Variants in PRRG1 observed in about 807,000 individuals in gnomAD.
PRRG1 encodes transmembrane gamma-carboxyglutamic acid protein 1.
A neutral mutation model predicts 11.8 loss-of-function variants in PRRG1; 5 were observed. That is an observed-to-expected ratio of 0.42 (90% CI 0.22 to 0.89). The LOEUF (loss-of-function observed/expected upper bound fraction) is 0.89. Ranked by LOEUF, PRRG1 falls within the 40% of genes least tolerant of loss-of-function variation. PRRG1 has a pLI of 0.28. For synonymous variants in PRRG1, 66 were observed against 60.4 expected (o/e 1.09, Z -0.43); for missense variants, 155 against 166.1 (o/e 0.93, Z 0.37).
In PRRG1 at chrX:37,401,017, A is replaced by G. The variant is rs1931954034; in HGVS notation, c.-41-5192A>G. On this transcript the variant is annotated intron_variant, in intron 1 of 3. Transcript: ENST00000378628. ...ATAGCTTACCAACGAAAAAGAGTCC[A>G]GGACCAGATGGATTCACAGCCGAAT... 2.7e-5 allele frequency among the ~76,000 whole-genome samples: 3 copies of G among 111,003 alleles called. No individual in the cohort carries two copies. The South Asian group carries it at 1.2e-3, about 43-fold the overall frequency.
chrX:37,445,618 G>T (rs1224020106), intron 3 of PRRG1, among the ~76,000 whole-genome samples: 1 of 112,789 alleles, frequency 8.9e-6, no homozygotes, highest in Non-Finnish European at 1.9e-5. Flanking sequence ...AACGATTATT[G>T]AATTGACAAA....
intron 3 of PRRG1, among the ~76,000 whole-genome samples, chrX:37,442,852 A>G (rs1933010921): frequency 9.0e-6 from 1 of 111,134 alleles, no homozygotes; most frequent in Admixed American, 9.5e-5. Flanking sequence ...GCCCTTACAA[A>G]TCCTCTACTC....
At chrX:37,449,719 G>T (rs1374339997) in intron 3 of PRRG1, among the ~76,000 whole-genome samples, 2 of 112,156 alleles carry the variant, frequency 1.8e-5, no homozygotes, top group African/African-American at 6.5e-5. Flanking sequence ...TCATGCTTAA[G>T]ATTGCTATAA....
chrX:37,441,451 C>T (rs1932975756), intron 3 of PRRG1: 3 of 753,526 alleles, frequency 4.0e-6, no homozygotes, highest in Admixed American at 1.7e-4. Context: ...CCGCCATTAG[C>T]CATCCGCCTT....
In PRRG1 at chrX:37,429,843, G is replaced by A. The variant is rs1932808854; in HGVS notation, c.171+3843G>A. Among the ~76,000 whole-genome samples, 5 of 112,033 alleles carry A rather than the reference G, an allele frequency of 4.5e-5. 1 individual carries two copies. In the Admixed American group the frequency reaches 4.7e-4, roughly 11 times the overall value. ...ATTGGACTTACAGTTCCACATGGCT[G>A]GCAAGGCCTTAGAATCAGGCAGGAG... On this transcript the variant is annotated intron_variant, in intron 3 of 3. Transcript: ENST00000378628.
chrX:37,388,392 T>C (rs190866761), intron 1 of PRRG1, among the ~76,000 whole-genome samples: 1 of 113,180 alleles, frequency 8.8e-6, no homozygotes, highest in Non-Finnish European at 1.9e-5. Flanking sequence ...GCTCTGCCCC[T>C]GGAGCAGGCT....
At chrX:37,439,770 T>TTAA (rs782560015) in intron 3 of PRRG1, among the ~76,000 whole-genome samples, 65 of 109,976 alleles carry the variant, frequency 5.9e-4, no homozygotes, top group Non-Finnish European at 8.3e-4. Flanking sequence ...AGCCTTTGTT[T>TTAA]TAATTTCTAC....
chrX:37,413,882 T>TTA (rs1305766480), intron 2 of PRRG1, among the ~76,000 whole-genome samples: 11 of 112,354 alleles, frequency 9.8e-5, no homozygotes, highest in African/African-American at 3.2e-4. Context: ...ATTATGTTAC[T>TTA]TACAGTATTC....
In PRRG1 at chrX:37,453,732, G is replaced by A. The variant is rs1020430326; in HGVS notation, c.*111G>A. ...TGACTTATTTTATTGGACTCTTACC[G>A]CATACCACTTCACACTTGTTTTATT... On this transcript the variant is annotated 3_prime_UTR_variant, in exon 4 of 4. Transcript: ENST00000378628. 1.1e-4 allele frequency: 81 copies of A among 740,905 alleles called. No individual in the cohort carries two copies. Among genetic ancestry groups the A allele is most frequent in the African/African-American group, 2.0e-4 (9 of 45,577 alleles). 61.1% of individuals were successfully genotyped at this position (740,905 alleles called of 1,213,427 possible).
At chrX:37,449,290 A>G (rs781887083) in intron 3 of PRRG1, among the ~76,000 whole-genome samples, 1 of 111,559 alleles carries the variant, frequency 9.0e-6, no homozygotes, top group East Asian at 2.8e-4. Flanking sequence ...CTCCTCATCA[A>G]TACATACTCA....
intron 1 of PRRG1, among the ~76,000 whole-genome samples, chrX:37,402,839 C>G (rs1280237219): frequency 9.9e-5 from 11 of 111,609 alleles, no homozygotes; most frequent in African/African-American, 3.3e-4. Flanking sequence ...AGACACTTCT[C>G]AAAAGAAGAC....
rs1921202857 is a variant in PRRG1, at chrX:37,453,005, G to A, written c.172-131G>A. ...TCACATGGAAAATATAGACTTGTAG[G>A]TCCTTTGATTCAGCAAATTTGGTTT... On this transcript the variant is annotated intron_variant, in intron 3 of 3. Transcript: ENST00000378628. The A allele has an allele frequency of 4.5e-6, 3 of 666,846 alleles. No individual in the cohort carries two copies. The Admixed American group carries it at 1.2e-4, about 27-fold the overall frequency. The allele number at this position is 666,846 out of a possible 1,213,427, so 55.0% of individuals were successfully genotyped here.
intron 1 of PRRG1, among the ~76,000 whole-genome samples, chrX:37,357,061 CT>C (rs782774840): frequency 8.9e-6 from 1 of 111,842 alleles, no homozygotes; most frequent in Non-Finnish European, 1.9e-5. Context: ...TGTGTTCTGC[CT>C]TTTCAACTGC....
intron 1 of PRRG1, among the ~76,000 whole-genome samples, chrX:37,380,057 G>A (rs963313581): frequency 1.3e-5 from 1 of 78,169 alleles, no homozygotes; most frequent in African/African-American, 8.5e-5. Flanking sequence ...GAATTATACT[G>A]TAATTAACAG....
chrX:37,403,163 A>G (rs1229538841), intron 1 of PRRG1, among the ~76,000 whole-genome samples: 1 of 109,834 alleles, frequency 9.1e-6, no homozygotes, highest in African/African-American at 3.3e-5. Context: ...TCATGCTGCT[A>G]TAAAGACACA....
intron 3 of PRRG1, among the ~76,000 whole-genome samples, chrX:37,426,298 A>G (rs1932772498): frequency 8.9e-6 from 1 of 112,053 alleles, no homozygotes; most frequent in African/African-American, 3.2e-5. Flanking sequence ...AAGGTTATAG[A>G]TAATATCACT....
chrX:37,439,738 G>A (rs1211295686), intron 3 of PRRG1, among the ~76,000 whole-genome samples: 4 of 110,042 alleles, frequency 3.6e-5, no homozygotes, highest in Admixed American at 9.7e-5. Context: ...AAAAGTGGTG[G>A]CTGGTACCTA....
intron 1 of PRRG1, among the ~76,000 whole-genome samples, chrX:37,376,733 A>T (rs1274078926): frequency 9.6e-6 from 1 of 104,410 alleles, no homozygotes; most frequent in Non-Finnish European, 2.0e-5. Flanking sequence ...GGTGAGGTAG[A>T]ATCTTGTGAT....
At chrX:37,447,807 A>G (rs1325056489) in intron 3 of PRRG1, among the ~76,000 whole-genome samples, 1 of 112,692 alleles carries the variant, frequency 8.9e-6, no homozygotes, top group Non-Finnish European at 1.9e-5. Context: ...CATGAGTTTT[A>G]GCAAGAAGAA....
Sources: gnomAD v4.1 joint callset for allele counts (sites outside exome capture counted in the v4.1 genomes callset) on GRCh38, gnomAD v4.1.1 for gene constraint, MANE v1.5 for transcripts, NCBI Gene and HGNC (gene_info 2026-07-23, HGNC 2026-07-21) for gene names.